The following NUP214 variants were observed in gnomAD, a reference collection of about 807,000 sequenced individuals.
The protein encoded by NUP214 is nuclear pore complex protein Nup214.
A neutral mutation model predicts 196.2 loss-of-function variants in NUP214; 79 were observed. The observed-to-expected ratio is 0.40, with a 90% CI of 0.34 to 0.49. NUP214 has a LOEUF of 0.49. Ranked by LOEUF, NUP214 falls within the 20% of genes least tolerant of loss-of-function variation. NUP214 has a pLI of 0.58. For missense variants in NUP214, 2,468 were observed against 2,539.0 expected, an observed-to-expected ratio of 0.97 and a Z score of 0.60; for synonymous variants, 1,020 against 990.5, an observed-to-expected ratio of 1.03 and a Z score of -0.56.
intron 18 of NUP214, 32 bp downstream of exon 18, chr9:131,159,518 G>T (rs1407537749): frequency 6.8e-7 from 1 of 1,468,884 alleles, no homozygotes; most frequent in Non-Finnish European, 9.5e-7. Context: ...CAATGTGTTG[G>T]AATAGATATT....
intron 24 of NUP214, among the ~76,000 whole-genome samples, chr9:131,184,691 ATTAT>A (rs896385794): frequency 3.3e-5 from 5 of 152,198 alleles, no homozygotes; most frequent in African/African-American, 1.2e-4. Context: ...TTCCGTCTTA[ATTAT>A]TTAAGTTACT....
intron 2 of NUP214, 109 bp from the exon 3 acceptor site, chr9:131,128,223 A>G (rs1185270434): frequency 1.4e-5 from 11 of 780,010 alleles, no homozygotes; most frequent in South Asian, 1.4e-4. Flanking sequence ...ATTGGGGTGT[A>G]TGTGTGTTTA....
intron 17 of NUP214, among the ~76,000 whole-genome samples, chr9:131,156,738 T>C (rs529784671): frequency 1.5e-4 from 23 of 152,274 alleles, no homozygotes; most frequent in African/African-American, 5.3e-4. Context: ...GATGAGTCTT[T>C]AGGGTTTTTT....
At chr9:131,145,814 T>C (rs1410913051) in intron 12 of NUP214, among the ~76,000 whole-genome samples, 1 of 152,228 alleles carries the variant, frequency 6.6e-6, no homozygotes, top group Non-Finnish European at 1.5e-5. Flanking sequence ...CCACCTCCTG[T>C]TTAAAACTCA....
At chr9:131,233,324 A>G (rs1834929296) in intron 35 of NUP214, 130 bp from the exon 36 acceptor site, 6 of 867,142 alleles carry the variant, frequency 6.9e-6, no homozygotes, top group Non-Finnish European at 1.0e-5. Flanking sequence ...CAATAGAGTG[A>G]GACTCTGTAT....
At chr9:131,210,938 T>TA (rs1834224650) in intron 30 of NUP214, among the ~76,000 whole-genome samples, 1 of 152,200 alleles carries the variant, frequency 6.6e-6, no homozygotes, top group Non-Finnish European at 1.5e-5. Flanking sequence ...ATGAATACTA[T>TA]AAAACATTGT....
In NUP214 at chr9:131,159,491, A is replaced by G. The variant is rs749746722; in HGVS notation, c.2540+5A>G. On this transcript the variant is annotated splice_donor_5th_base_variant and intron_variant, in intron 18 of 35. Coordinates refer to ENST00000359428, the MANE Select transcript of NUP214 (RefSeq NM_005085.4). Reference sequence around the variant, plus strand: ...GGAACAAAAGAAAAAACAAAGGTGAATGAGATCTCTCATCTGCAATGTGTT... The same window carrying G: ...GGAACAAAAGAAAAAACAAAGGTGAGTGAGATCTCTCATCTGCAATGTGTT... 1.3e-6 allele frequency: 2 copies of G among 1,592,668 alleles called. No individual in the cohort carries two copies. Among genetic ancestry groups the G allele is most frequent in the Admixed American group, 1.7e-5 (1 of 59,956 alleles).
In NUP214 at chr9:131,173,133, T is replaced by G. The variant is rs150910423; in HGVS notation, c.2894-922T>G. On this transcript the variant is annotated intron_variant, in intron 21 of 35. Coordinates refer to ENST00000359428, the MANE Select transcript of NUP214 (RefSeq NM_005085.4). ...GTGCAATGGTGCAATCTGGGCTCACTGCAACCTCCACCTGCCGGGTTCAAG... is the reference window on the plus strand; with the variant it reads ...GTGCAATGGTGCAATCTGGGCTCACGGCAACCTCCACCTGCCGGGTTCAAG... Among the ~76,000 whole-genome samples, 292 of 152,300 alleles carry G rather than the reference T, an allele frequency of 1.9e-3. 3 individuals carry two copies. Among genetic ancestry groups the G allele is most frequent in the African/African-American group, 6.7e-3 (279 of 41,568 alleles).
At chr9:131,162,177 A>G (rs79267182) in intron 18 of NUP214, among the ~76,000 whole-genome samples, 2 of 152,330 alleles carry the variant, frequency 1.3e-5, no homozygotes, top group East Asian at 1.9e-4. Context: ...TCACTAGGCA[A>G]TAGGAATTCA....
At chr9:131,170,194 T>A (rs138154647) in intron 21 of NUP214, among the ~76,000 whole-genome samples, 2,975 of 151,930 alleles carry the variant, frequency 0.02, 41 homozygotes, top group Non-Finnish European at 0.029. Flanking sequence ...AAAAAATAAA[T>A]AAATAAAAAA....
chr9:131,228,401 G>C, intron 33 of NUP214, 70 bp downstream of exon 33: 2 of 1,457,188 alleles, frequency 1.4e-6, no homozygotes, highest in Non-Finnish European at 1.8e-6. Flanking sequence ...CTGTACTCTT[G>C]CTCTGAAAAG....
chr9:131,214,297 G>A (rs1382357489), intron 30 of NUP214, among the ~76,000 whole-genome samples: 1 of 152,082 alleles, frequency 6.6e-6, no homozygotes. Flanking sequence ...ACCATTTTTT[G>A]AGCATATAAG....
In NUP214 at chr9:131,164,081, C is replaced by G; in HGVS notation, c.2830C>G (p.Gln944Glu). Reference sequence around the variant, plus strand: ...TGCAGCCAAACTGTCCCCCATGAAACAGGCACAACTGAGAAACTTCTTGGC... The same window carrying G: ...TGCAGCCAAACTGTCCCCCATGAAAGAGGCACAACTGAGAAACTTCTTGGC... ...KVPAKLSPMK[Q>E]AQLRNFLAKR... The change falls in exon 21 of 36, where the codon CAG becomes GAG. Residue 944 changes from glutamine to glutamate, a missense_variant. By Grantham distance (29) the Gln-to-Glu change is conservative (BLOSUM62 2). Around this residue, in one of 5 missense-constraint regions of NUP214, gnomAD observed 1,801 missense variants for 1,779.4 expected, o/e 1.01. Coordinates refer to ENST00000359428, the MANE Select transcript of NUP214 (RefSeq NM_005085.4). 1 of 1,614,132 alleles carries G rather than the reference C, an allele frequency of 6.2e-7. No individual in the cohort carries two copies. Among genetic ancestry groups the G allele is most frequent in the Non-Finnish European group, 8.5e-7 (1 of 1,180,036 alleles).
At chr9:131,158,003 G>A (rs954952191) in intron 17 of NUP214, among the ~76,000 whole-genome samples, 4 of 152,054 alleles carry the variant, frequency 2.6e-5, no homozygotes, top group South Asian at 4.1e-4. Flanking sequence ...GGCTGGTCTC[G>A]AGCTCCTGAC....
intron 4 of NUP214, among the ~76,000 whole-genome samples, chr9:131,130,146 T>G (rs1359075582): frequency 2.8e-5 from 3 of 108,614 alleles, no homozygotes; most frequent in Non-Finnish European, 5.9e-5. Context: ...TGTTTTTTTT[T>G]TTTTGTTTTT....
At position 131,192,199 on chromosome 9, in the gene NUP214, T is replaced by TTAAAA; in HGVS notation, c.3575-9_3575-8insTAAAA. The TTAAAA allele has an allele frequency of 4.3e-6, 2 of 461,894 alleles. No homozygotes were observed. The highest frequency in any genetic ancestry group is 7.7e-6 in the Non-Finnish European group (2 of 258,918). The allele number at this position is 461,894 out of a possible 1,614,324, so 28.6% of individuals were successfully genotyped here. A position where few individuals can be genotyped will look rare whatever the true frequency, so the allele number is the denominator to read the frequency against. Reference sequence around the variant, plus strand: ...TTTTTTTTTTTTTTTTTTTTTTCCATAATTTCAGGGACAGCCAAGATAGAA... The same window carrying TTAAAA: ...TTTTTTTTTTTTTTTTTTTTTTCCATTAAAAAATTTCAGGGACAGCCAAGATAGAA... On this transcript the variant is annotated splice_polypyrimidine_tract_variant and intron_variant, in intron 26 of 35. Transcript: ENST00000359428.
intron 30 of NUP214, among the ~76,000 whole-genome samples, chr9:131,204,850 GA>G (rs1355425200): frequency 1.3e-5 from 2 of 152,178 alleles, no homozygotes; most frequent in Non-Finnish European, 2.9e-5. Flanking sequence ...CTGTCCTAGT[GA>G]TACTGAAGAA....
chr9:131,204,449 G>C (rs965441959), intron 30 of NUP214, among the ~76,000 whole-genome samples: 5 of 152,104 alleles, frequency 3.3e-5, no homozygotes, highest in Non-Finnish European at 5.9e-5. Flanking sequence ...GAGGGCTATC[G>C]ATAGCCTCTG....
chr9:131,166,769 T>C (rs78178724), intron 21 of NUP214, among the ~76,000 whole-genome samples: 1 of 152,120 alleles, frequency 6.6e-6, no homozygotes, highest in Non-Finnish European at 1.5e-5. Context: ...CTTTTTTTTT[T>C]AATTTGACAT....
Sources: gnomAD v4.1 joint callset for allele counts (sites outside exome capture counted in the v4.1 genomes callset) on GRCh38, gnomAD v4.1.1 for gene constraint, gnomAD v4.1.1 regional missense constraint, MANE v1.5 for transcripts, NCBI Gene and HGNC (gene_info 2026-07-23, HGNC 2026-07-21) for gene names.